The following MCTP1 variants were observed in gnomAD, a reference collection of about 807,000 sequenced individuals.
The protein encoded by MCTP1 is multiple C2 and transmembrane domain-containing protein 1.
Under a neutral mutation model 120.6 loss-of-function variants are expected in MCTP1, and 69 were observed. The ratio of observed to expected loss-of-function variants is 0.57; its 90% confidence interval spans 0.47 to 0.70. MCTP1 has a LOEUF of 0.70. Among genes scored for constraint, MCTP1 ranks in the 30% least tolerant of loss-of-function variants. The pLI is 0.00. For synonymous variants in MCTP1, 529 were observed against 493.1 expected, an observed-to-expected ratio of 1.07 and a Z score of -0.96; for missense variants, 1,203 against 1,248.8, an observed-to-expected ratio of 0.96 and a Z score of 0.55.
At chr5:94,742,426 G>GTGATAC (rs1241952199) in intron 19 of MCTP1, among the ~76,000 whole-genome samples, 1 of 152,128 alleles carries the variant, frequency 6.6e-6, no homozygotes, top group Non-Finnish European at 1.5e-5. Context: ...GTGATACTAA[G>GTGATAC]TAAATGAAGT....
intron 1 of MCTP1, among the ~76,000 whole-genome samples, chr5:95,083,072 G>A (rs1269907822): frequency 6.6e-6 from 1 of 152,056 alleles, no homozygotes; most frequent in Non-Finnish European, 1.5e-5. Flanking sequence ...CCCGAGGGCA[G>A]GAATTTTCTT....
intron 2 of MCTP1, among the ~76,000 whole-genome samples, chr5:94,982,930 C>CTAATTT (rs571088097): frequency 4.5e-4 from 52 of 116,698 alleles, no homozygotes; most frequent in Admixed American, 3.6e-3. Context: ...CAGGGTGGAC[C>CTAATTT]TAATTTTATC....
chr5:95,275,076 T>C (rs1759719658), intron 1 of MCTP1, among the ~76,000 whole-genome samples: 1 of 152,288 alleles, frequency 6.6e-6, no homozygotes, highest in Non-Finnish European at 1.5e-5. Context: ...GTCATATTGA[T>C]GCTTACATGT....
At chr5:94,773,427 A>G (rs1230204685) in intron 19 of MCTP1, among the ~76,000 whole-genome samples, 1 of 152,200 alleles carries the variant, frequency 6.6e-6, no homozygotes, top group Admixed American at 6.5e-5. Flanking sequence ...GCTCTAGAGC[A>G]TGGGTGGGTC....
At chr5:94,954,184 A>ATATATATATG (rs1821919377) in intron 2 of MCTP1, among the ~76,000 whole-genome samples, 1 of 40,354 alleles carries the variant, frequency 2.5e-5, no homozygotes, top group East Asian at 5.3e-4. Flanking sequence ...ATATATATGC[A>ATATATATATG]TATATATATA....
At chr5:95,156,173 G>A (rs1378090605) in intron 1 of MCTP1, among the ~76,000 whole-genome samples, 1 of 152,124 alleles carries the variant, frequency 6.6e-6, no homozygotes, top group East Asian at 1.9e-4. Context: ...ATAACAGCCT[G>A]GTGAGATTCC....
chr5:94,949,136 G>A (rs1472851961), intron 3 of MCTP1, among the ~76,000 whole-genome samples: 1 of 152,016 alleles, frequency 6.6e-6, no homozygotes, highest in Non-Finnish European at 1.5e-5. Flanking sequence ...TCATGATTAG[G>A]CCAAACAAAT....
At chr5:95,267,603 C>T (rs1276287836) in intron 1 of MCTP1, among the ~76,000 whole-genome samples, 1 of 152,234 alleles carries the variant, frequency 6.6e-6, no homozygotes, top group African/African-American at 2.4e-5. Context: ...CAACCTACTT[C>T]CCTATCTCTT....
chr5:95,034,059 G>A (rs1840795513), intron 1 of MCTP1, among the ~76,000 whole-genome samples: 1 of 151,874 alleles, frequency 6.6e-6, no homozygotes, highest in Non-Finnish European at 1.5e-5. Context: ...AAACACTGTT[G>A]AAAGAAGTCA....
At chr5:94,943,937 G>C (rs942175947) in intron 3 of MCTP1, among the ~76,000 whole-genome samples, 1 of 152,088 alleles carries the variant, frequency 6.6e-6, no homozygotes, top group Non-Finnish European at 1.5e-5. Context: ...TCCAGGATGT[G>C]AGAATCCATG....
intron 1 of MCTP1, among the ~76,000 whole-genome samples, chr5:95,038,929 A>G (rs1841837657): frequency 1.3e-5 from 2 of 152,160 alleles, no homozygotes; most frequent in African/African-American, 4.8e-5. Flanking sequence ...CCTCATCTGT[A>G]GTAAAGGAGG....
chr5:95,262,736 A>G (rs1758570023), intron 1 of MCTP1, among the ~76,000 whole-genome samples: 1 of 152,192 alleles, frequency 6.6e-6, no homozygotes, highest in South Asian at 2.1e-4. Context: ...AATTGTGGCT[A>G]ATTAGCCCCT....
In MCTP1 at chr5:95,178,879, A is replaced by G. The variant is rs186379651; in HGVS notation, c.720+104977T>C. ...CAGAAGGCCCATTATTAAGCTAATCAAGGAGGCACTAGAGAAACGTGAACT... is the reference window on the plus strand; with the variant it reads ...CAGAAGGCCCATTATTAAGCTAATCGAGGAGGCACTAGAGAAACGTGAACT... On this transcript the variant is annotated intron_variant, in intron 1 of 22. Coordinates refer to ENST00000515393, the MANE Select transcript of MCTP1 (RefSeq NM_024717.7). 8.3e-4 allele frequency among the ~76,000 whole-genome samples: 126 copies of G among 152,332 alleles called. No individual in the cohort carries two copies. The East Asian group carries it at 0.014, about 17-fold the overall frequency.
At chr5:94,785,381 T>C (rs1026581703) in intron 18 of MCTP1, among the ~76,000 whole-genome samples, 11 of 152,110 alleles carry the variant, frequency 7.2e-5, no homozygotes, top group Non-Finnish European at 5.9e-5. Context: ...TTTAGGATAT[T>C]GCATATTAAT....
rs549081444 is a variant in MCTP1 at position 95,091,911 on chromosome 5, G to A, written c.721-74427C>T. ...ATTAAGACTGAGACAGGCAGTAAGT[G>A]GAGGCTGAAAGGCCCACAAGGAAAG... On this transcript the variant is annotated intron_variant, in intron 1 of 22. Coordinates refer to ENST00000515393, the MANE Select transcript of MCTP1 (RefSeq NM_024717.7). Among the ~76,000 whole-genome samples the A allele has an allele frequency of 2.1e-4, 32 of 152,312 alleles. No homozygotes were observed. The South Asian group carries it at 6.6e-3, about 32-fold the overall frequency.
Position 95,017,930 on chromosome 5 carries a change from C to A in MCTP1, c.721-446G>T, listed in dbSNP as rs1837434559. Among the ~76,000 whole-genome samples, 7 of 152,214 alleles carry A rather than the reference C, an allele frequency of 4.6e-5. No individual in the cohort carries two copies. In the South Asian group the frequency reaches 1.5e-3, roughly 32 times the overall value. ...TGCTGACTCATTTATCTGTGCAGAACAGCTCATACCTATGAATTAAGCACT... is the reference window on the plus strand; with the variant it reads ...TGCTGACTCATTTATCTGTGCAGAAAAGCTCATACCTATGAATTAAGCACT... On this transcript the variant is annotated intron_variant, in intron 1 of 22. Coordinates refer to ENST00000515393, the MANE Select transcript of MCTP1 (RefSeq NM_024717.7).
chr5:95,013,166 A>T (rs1011951407), intron 2 of MCTP1, among the ~76,000 whole-genome samples: 1 of 152,142 alleles, frequency 6.6e-6, no homozygotes, highest in Non-Finnish European at 1.5e-5. Flanking sequence ...AATCCAGAAC[A>T]AAGTCCCTAA....
At chr5:94,900,099 C>A (rs1805117677) in intron 10 of MCTP1, among the ~76,000 whole-genome samples, 1 of 152,204 alleles carries the variant, frequency 6.6e-6, no homozygotes, top group African/African-American at 2.4e-5. Flanking sequence ...GCTTATGTGT[C>A]ACTTGCTGAT....
chr5:95,162,753 A>G (rs372144052), intron 1 of MCTP1, among the ~76,000 whole-genome samples: 7 of 152,178 alleles, frequency 4.6e-5, no homozygotes, highest in Admixed American at 4.6e-4. Context: ...TAACAGTGAG[A>G]TTCCATGTCA....
Sources: gnomAD v4.1 joint callset for allele counts (sites outside exome capture counted in the v4.1 genomes callset) on GRCh38, gnomAD v4.1.1 for gene constraint, MANE v1.5 for transcripts, NCBI Gene and HGNC (gene_info 2026-07-23, HGNC 2026-07-21) for gene names.